TTC7B: variants seen among roughly 807,000 people sequenced by gnomAD.
TTC7B encodes tetratricopeptide repeat protein 7B.
A neutral mutation model predicts 106.8 loss-of-function variants in TTC7B; 28 were observed. The observed-to-expected ratio is 0.26, with a 90% CI of 0.19 to 0.36. TTC7B has a LOEUF of 0.36. Among genes scored for constraint, TTC7B ranks in the 10% least tolerant of loss-of-function variants. TTC7B has a pLI of 1.00. For synonymous variants in TTC7B, 405 were observed against 430.6 expected, an observed-to-expected ratio of 0.94 and a Z score of 0.74; for missense variants, 862 against 1,076.4, an observed-to-expected ratio of 0.80 and a Z score of 2.79.
chr14:90,652,921 C>T (rs759940196), intron 12 of TTC7B, 23 bp from the exon 13 acceptor site: 2 of 1,613,736 alleles, frequency 1.2e-6, no homozygotes, highest in Non-Finnish European at 1.7e-6. Flanking sequence ...TTCAATTAGT[C>T]AGTGGCATGG....
At position 90,710,865 on chromosome 14, in the gene TTC7B, C is replaced by G. The variant is rs1015627320; in HGVS notation, c.699-15287G>C. Among the ~76,000 whole-genome samples, 6 of 152,282 alleles carry G rather than the reference C, an allele frequency of 3.9e-5. No homozygotes were observed. The South Asian group carries it at 1.2e-3, about 32-fold the overall frequency. On this transcript the variant is annotated intron_variant, in intron 5 of 19. Coordinates refer to ENST00000328459, the MANE Select transcript of TTC7B (RefSeq NM_001010854.2). ...ATATGTGCTGGGAAACCAAAAAATT[C>G]ATGTGACTTGTTTTATTGACATTAT... is the stretch of plus-strand genomic sequence containing the variant.
chr14:90,651,103 C>T (rs950657204), intron 13 of TTC7B, among the ~76,000 whole-genome samples: 1 of 152,168 alleles, frequency 6.6e-6, no homozygotes, highest in Non-Finnish European at 1.5e-5. Context: ...AGAGAAAGTA[C>T]TTCTCATCAA....
At chr14:90,667,330 G>A (rs1886448834) in intron 9 of TTC7B, among the ~76,000 whole-genome samples, 2 of 152,310 alleles carry the variant, frequency 1.3e-5, no homozygotes, top group Admixed American at 1.3e-4. Context: ...TGCCAAGACT[G>A]GAGACAACGA....
chr14:90,623,977 C>A (rs897275349), intron 15 of TTC7B, among the ~76,000 whole-genome samples: 2 of 152,204 alleles, frequency 1.3e-5, no homozygotes, highest in East Asian at 3.8e-4. Flanking sequence ...ACCAAGATGG[C>A]GCCACTGCAC....
At chr14:90,711,525 A>G (rs1888445792) in intron 5 of TTC7B, among the ~76,000 whole-genome samples, 2 of 152,192 alleles carry the variant, frequency 1.3e-5, no homozygotes, top group African/African-American at 4.8e-5. Flanking sequence ...TGGTTCAAGC[A>G]ATTCTCATGC....
At chr14:90,695,270 A>T (rs1428479407) in intron 6 of TTC7B, among the ~76,000 whole-genome samples, 1 of 132,762 alleles carries the variant, frequency 7.5e-6, no homozygotes, top group African/African-American at 2.7e-5. Flanking sequence ...TATGTCACAC[A>T]TACAATATAT....
chr14:90,729,231 C>T (rs1370009913), intron 5 of TTC7B, among the ~76,000 whole-genome samples: 1 of 152,194 alleles, frequency 6.6e-6, no homozygotes, highest in African/African-American at 2.4e-5. Context: ...AGATGAAATC[C>T]CAATTTCAAG....
chr14:90,570,589 G>A lies in TTC7B; in HGVS notation c.2310+7517C>T, dbSNP rs114217014. Among the ~76,000 whole-genome samples the A allele has an allele frequency of 2.6e-4, 39 of 151,796 alleles. No individual in the cohort carries two copies. The highest frequency in any genetic ancestry group is 9.2e-4 in the African/African-American group (38 of 41,376). On this transcript the variant is annotated intron_variant, in intron 19 of 19. Coordinates refer to ENST00000328459, the MANE Select transcript of TTC7B (RefSeq NM_001010854.2). This position sits in a 1 kb window ranked among gnomAD's most constrained non-coding sequence, Gnocchi z 4.0. ...AAGCATCGTGCTCGCGGCCGACCAC[G>A]CACCGAGATATATTCTCATTTCGGC... is the stretch of plus-strand genomic sequence containing the variant.
At position 90,786,285 on chromosome 14, in the gene TTC7B, C is replaced by T. The variant is rs751268096; in HGVS notation, c.165G>A (p.Gln55=). ...ELLLGESKLE[Q]YLKEHPLRQG... ...GCCTCAGGGGGTGTTCCTTCAGGTACTGCTCCAGCTTCGACTCCCCGAGGA... is the reference window on the plus strand; with the variant it reads ...GCCTCAGGGGGTGTTCCTTCAGGTATTGCTCCAGCTTCGACTCCCCGAGGA... The change falls in exon 2 of 20, where the codon CAG becomes CAA. Residue 55 remains glutamine (Q), a synonymous_variant. Transcript: ENST00000328459. 5.0e-6 allele frequency: 8 copies of T among 1,613,452 alleles called. No homozygotes were observed. Among genetic ancestry groups the T allele is most frequent in the Non-Finnish European group, 6.8e-6 (8 of 1,179,736 alleles).
intron 15 of TTC7B, among the ~76,000 whole-genome samples, chr14:90,631,569 C>G (rs143217060): frequency 6.6e-6 from 1 of 151,640 alleles, no homozygotes; most frequent in African/African-American, 2.4e-5. Context: ...TTACCACACC[C>G]GGCTAATTTT....
At chr14:90,653,031 G>T in intron 12 of TTC7B, 133 bp from the exon 13 acceptor site, 2 of 888,966 alleles carry the variant, frequency 2.2e-6, no homozygotes, top group Non-Finnish European at 3.7e-6. Flanking sequence ...GCCCAGTCCT[G>T]CACCAGGCCC....
At chr14:90,625,140 T>C (rs145616002) in intron 15 of TTC7B, among the ~76,000 whole-genome samples, 141 of 152,286 alleles carry the variant, frequency 9.3e-4, no homozygotes, top group African/African-American at 3.2e-3. Context: ...GGCAAGTATG[T>C]TGAAATTTTA....
intron 9 of TTC7B, among the ~76,000 whole-genome samples, chr14:90,672,579 AT>A (rs1279161458): frequency 6.6e-6 from 1 of 152,190 alleles, no homozygotes; most frequent in African/African-American, 2.4e-5. Context: ...TGAAGAGCCA[AT>A]TCATATATCC....
chr14:90,714,457 ATTT>A (rs36072608), intron 5 of TTC7B, among the ~76,000 whole-genome samples: 2 of 129,240 alleles, frequency 1.5e-5, no homozygotes, highest in African/African-American at 2.9e-5. Context: ...AGCTGTATAA[ATTT>A]TTTTTTTTTT....
At chr14:90,606,667 C>T (rs561853797) in intron 17 of TTC7B, among the ~76,000 whole-genome samples, 27 of 152,214 alleles carry the variant, frequency 1.8e-4, no homozygotes, top group Non-Finnish European at 3.1e-4. Flanking sequence ...GAGGAAGGGA[C>T]GCCCAAGGTG....
chr14:90,616,744 T>C (rs1028720740), intron 16 of TTC7B, among the ~76,000 whole-genome samples: 1 of 152,194 alleles, frequency 6.6e-6, no homozygotes, highest in African/African-American at 2.4e-5. Context: ...ACCCCATCTC[T>C]GTTCTGCTGC....
rs758499810 is a variant in TTC7B at position 90,529,911 on chromosome 14, G to T, written c.*11457C>A. ...TATCTAGAAAGATTTTTACTGACAA[G>T]AGAATATTAAGTGAAAAGATCCATA... On this transcript the variant is annotated 3_prime_UTR_variant, in exon 20 of 20. Transcript: ENST00000328459. 2 of 152,188 alleles carry T rather than the reference G, an allele frequency of 1.3e-5. No individual in the cohort carries two copies. Among genetic ancestry groups the T allele is most frequent in the Non-Finnish European group, 2.9e-5 (2 of 68,024 alleles). 9.4% of individuals were successfully genotyped at this position (152,188 alleles called of 1,614,324 possible).
chr14:90,589,611 A>C (rs1423349680), intron 18 of TTC7B, among the ~76,000 whole-genome samples: 1 of 152,174 alleles, frequency 6.6e-6, no homozygotes, highest in Non-Finnish European at 1.5e-5. Flanking sequence ...TGAGAATGTA[A>C]AGGGTAGACT....
chr14:90,690,820 A>G (rs1887440868), intron 6 of TTC7B, among the ~76,000 whole-genome samples: 1 of 152,236 alleles, frequency 6.6e-6, no homozygotes, highest in Non-Finnish European at 1.5e-5. Context: ...TTTCATCCAT[A>G]TGAAATCTCT....
Sources: allele counts gnomAD v4.1 joint callset (sites outside exome capture counted in the v4.1 genomes callset), GRCh38; gene constraint gnomAD v4.1.1; non-coding constraint Gnocchi (gnomAD v3.1); transcripts MANE v1.5; gene names NCBI Gene and HGNC (gene_info 2026-07-23, HGNC 2026-07-21).